C1QBP: variants seen among roughly 807,000 people sequenced by gnomAD.
C1QBP encodes the protein complement C1q binding protein.
A neutral mutation model predicts 29.4 loss-of-function variants in C1QBP; 24 were observed. The observed-to-expected ratio is 0.82, with a 90% CI of 0.59 to 1.15. The LOEUF is 1.15. Ranked by LOEUF, C1QBP falls within the 50% of genes most tolerant of loss-of-function variation. The probability of loss-of-function intolerance (pLI) is 0.00; values close to 1 mark genes in which losing one functional copy is unlikely to be tolerated. For synonymous variants in C1QBP, 182 were observed against 149.2 expected, an observed-to-expected ratio of 1.22 and a Z score of -1.60; for missense variants, 337 against 355.8, an observed-to-expected ratio of 0.95 and a Z score of 0.43.
At chr17:5,437,012 G>C (rs529394402) in intron 2 of C1QBP, among the ~76,000 whole-genome samples, 6 of 152,088 alleles carry the variant, frequency 3.9e-5, no homozygotes, top group South Asian at 4.2e-4. Context: ...GTGGGGTTGG[G>C]GGGGGAAGCT....
rs148670917 is a variant in C1QBP at position 5,433,404 on chromosome 17, T to G, written c.588A>C (p.Glu196Asp). The stretch of plus-strand genomic sequence containing the variant: ...AGAAGATGTCACTCTCAGCCTCGTC[T>G]TCTTGTCCAACCTGAGAAGAAACAA... ...CHYPEDEVGQ[E>D]DEAESDIFSI... Residue 196 changes from glutamate to aspartate, a missense_variant, in exon 5 of 6, where the codon GAA (glutamate) becomes GAC (aspartate). Glu to Asp is a conservative substitution (Grantham distance 45, BLOSUM62 2). Coordinates refer to ENST00000225698, the MANE Select transcript of C1QBP (RefSeq NM_001212.4). 1.3e-4 allele frequency: 203 copies of G among 1,614,044 alleles called. No homozygotes were observed. Among genetic ancestry groups the G allele is most frequent in the Non-Finnish European group, 1.6e-4 (183 of 1,180,034 alleles).
At position 5,433,748 on chromosome 17, in the gene C1QBP, G is replaced by A. The variant is rs1307330184; in HGVS notation, c.497C>T (p.Pro166Leu). Residue 166 changes from proline to leucine, a missense_variant, in exon 4 of 6, where the codon CCC (proline) becomes CTC (leucine). Transcript: ENST00000225698. ...EEQEPELTST[P>L]NFVVEVIKND... is the part of the protein sequence containing the mutation. ...CTTTATAACTTCAACCACGAAATTG[G>A]GAGTTGATGTCAGTTCAGGCTGGGG... The A allele has an allele frequency of 6.2e-7, 1 of 1,614,188 alleles. No individual in the cohort carries two copies. Among genetic ancestry groups the A allele is most frequent in the East Asian group, 2.2e-5 (1 of 44,890 alleles).
intron 1 of C1QBP, 90 bp downstream of exon 1, chr17:5,438,752 A>C: frequency 6.5e-7 from 1 of 1,542,248 alleles, no homozygotes; most frequent in Non-Finnish European, 8.7e-7. Flanking sequence ...AAAATGTCCC[A>C]GACCTCAGAG....
chr17:5,433,546 C>T (rs1916169551), intron 4 of C1QBP, 123 bp downstream of exon 4: 3 of 1,511,696 alleles, frequency 2.0e-6, no homozygotes, highest in African/African-American at 2.8e-5. Context: ...CACCTCTCTC[C>T]CCCTGCTGGG....
In C1QBP at chr17:5,434,930, T is replaced by C; in HGVS notation, c.420A>G (p.Pro140=). The C allele has an allele frequency of 6.2e-7, 1 of 1,614,068 alleles. No homozygotes were observed. The highest frequency in any genetic ancestry group is 8.5e-7 in the Non-Finnish European group (1 of 1,179,958). ...TVTFNINNSI[P]PTFDGEEEPS... ...GTTCCTCCTCACCATCAAATGTTGG[T>C]GGGATGCTGTTGTTAATGTTGAAAG... is the stretch of plus-strand genomic sequence containing the variant. Residue 140 remains proline, a synonymous_variant, in exon 3 of 6, where the codon CCA becomes CCG. Transcript: ENST00000225698.
chr17:5,433,373 T>G lies in C1QBP; in HGVS notation c.619A>C (p.Arg207=), dbSNP rs1257402361. 1.2e-6 allele frequency: 2 copies of G among 1,614,048 alleles called. No individual in the cohort carries two copies. The highest frequency in any genetic ancestry group is 2.7e-5 in the African/African-American group (2 of 74,916). ...CCAGTGGACTGAAAGCTAACTTCCC[T>G]GATAGAGAAGATGTCACTCTCAGCC... ...DEAESDIFSI[R]EVSFQSTGES... The change falls in exon 5 of 6, where the codon AGG becomes CGG. Residue 207 remains arginine (R), a synonymous_variant. Coordinates refer to ENST00000225698, the MANE Select transcript of C1QBP (RefSeq NM_001212.4).
rs766792629 is a variant in C1QBP, at chr17:5,438,852, C to T, written c.222G>A (p.Leu74=). Residue 74 remains leucine, a synonymous_variant, in exon 1 of 6, where the codon CTG becomes CTA. Coordinates refer to ENST00000225698, the MANE Select transcript of C1QBP (RefSeq NM_001212.4). Reference sequence around the variant, plus strand: ...CCCGCTAAACCTCACCGTCGGTGTGCAGCGAGCCGCAGCCACAGCCACAGG... The same window carrying T: ...CCCGCTAAACCTCACCGTCGGTGTGTAGCGAGCCGCAGCCACAGCCACAGG... ...PCACGCGCGS[L]HTDGDKAFVD... 6.5e-7 allele frequency: 1 copy of T among 1,546,124 alleles called. No individual in the cohort carries two copies. Among genetic ancestry groups the T allele is most frequent in the South Asian group, 1.2e-5 (1 of 83,940 alleles).
intron 2 of C1QBP, among the ~76,000 whole-genome samples, chr17:5,437,784 TGTTACATAGAA>T (rs1916315104): frequency 6.6e-6 from 1 of 152,244 alleles, no homozygotes; most frequent in African/African-American, 2.4e-5. Flanking sequence ...AACCCCATCC[TGTTACATAGAA>T]GTTACATATT....
Position 5,438,986 on chromosome 17 carries a change from G to A in C1QBP, c.88C>T (p.Gln30Ter). ...AGCCGGGGTGCCGGCTGCAGGAGCT[G>A]CCGGAAAGGCGAGGCGGGCGCGGCA... ...RAAAPASPFR[Q>*]LLQPAPRLCT... Residue 30 changes from glutamine to a stop codon, truncating the protein, a stop_gained, in exon 1 of 6, where the codon CAG (glutamine) becomes TAG (stop). Coordinates refer to ENST00000225698, the MANE Select transcript of C1QBP (RefSeq NM_001212.4). LOFTEE classifies it high-confidence loss of function. 2 of 1,503,158 alleles carry A rather than the reference G, an allele frequency of 1.3e-6. No individual in the cohort carries two copies. The highest frequency in any genetic ancestry group is 1.3e-5 in the South Asian group (1 of 79,616). The allele number at this position is 1,503,158 out of a possible 1,614,324, so 93.1% of individuals were successfully genotyped here. A position where few individuals can be genotyped will look rare whatever the true frequency, so the allele number is the denominator to read the frequency against.
At chr17:5,438,024 T>A in intron 2 of C1QBP, 99 bp downstream of exon 2, 1 of 1,422,240 alleles carries the variant, frequency 7.0e-7, no homozygotes, top group Non-Finnish European at 9.4e-7. Context: ...TTTATCAAAG[T>A]ATCCACACCT....
intron 2 of C1QBP, among the ~76,000 whole-genome samples, chr17:5,437,787 T>C (rs1916315231): frequency 6.6e-6 from 1 of 152,236 alleles, no homozygotes; most frequent in Non-Finnish European, 1.5e-5. Context: ...CCCATCCTGT[T>C]ACATAGAAGT....
At chr17:5,436,295 A>G (rs1199497591) in intron 2 of C1QBP, among the ~76,000 whole-genome samples, 2 of 151,334 alleles carry the variant, frequency 1.3e-5, no homozygotes, top group East Asian at 1.9e-4. Flanking sequence ...AGGTGAGATT[A>G]CAGAAGACAC....
At chr17:5,438,622 A>G in intron 1 of C1QBP, 2 of 960,020 alleles carry the variant, frequency 2.1e-6, no homozygotes, top group South Asian at 1.7e-5. Context: ...CTAAGGAAAA[A>G]GGTACCCTAG....
chr17:5,435,918 C>T (rs530892438), intron 2 of C1QBP, among the ~76,000 whole-genome samples: 12 of 148,822 alleles, frequency 8.1e-5, no homozygotes, highest in South Asian at 2.1e-4. Flanking sequence ...TGGTGGTACG[C>T]GCCTGTAATC....
intron 3 of C1QBP, 195 bp downstream of exon 3, chr17:5,434,678 G>C (rs1434854698): frequency 4.8e-6 from 2 of 413,536 alleles, no homozygotes; most frequent in East Asian, 8.4e-5. Flanking sequence ...ATGTTGGCCA[G>C]GATGGTCTCG....
intron 3 of C1QBP, 67 bp from the exon 4 acceptor site, chr17:5,433,834 T>G: frequency 3.7e-6 from 5 of 1,353,096 alleles, no homozygotes; most frequent in Non-Finnish European, 5.3e-6. Flanking sequence ...CAAGGATCTC[T>G]GTTCAGAGTG....
chr17:5,433,761 G>A lies in C1QBP; in HGVS notation c.484C>T (p.Leu162=), dbSNP rs1241503211. The change falls in exon 4 of 6, where the codon CTG becomes TTG. Residue 162 remains leucine, a synonymous_variant. Transcript: ENST00000225698. ...GQKVEEQEPE[L]TSTPNFVVEV... ...ACCACGAAATTGGGAGTTGATGTCAGTTCAGGCTGGGGAAACAAGAAGTCA... is the reference window on the plus strand; with the variant it reads ...ACCACGAAATTGGGAGTTGATGTCAATTCAGGCTGGGGAAACAAGAAGTCA... The A allele has an allele frequency of 8.7e-6, 14 of 1,613,984 alleles. No individual in the cohort carries two copies. Among genetic ancestry groups the A allele is most frequent in the Non-Finnish European group, 1.2e-5 (14 of 1,179,924 alleles).
intron 3 of C1QBP, chr17:5,434,629 A>G (rs1048850162): frequency 7.0e-5 from 20 of 287,278 alleles, no homozygotes; most frequent in Admixed American, 1.7e-4. Flanking sequence ...CACCATGCCC[A>G]GCTAATTTTT....
chr17:5,433,473 G>T (rs950427961), intron 4 of C1QBP, 58 bp from the exon 5 acceptor site: 1 of 1,606,050 alleles, frequency 6.2e-7, no homozygotes, highest in Non-Finnish European at 8.5e-7. Context: ...TAGACTCAGG[G>T]GAAGAAAGGG....
Sources: gnomAD v4.1 joint callset for allele counts (sites outside exome capture counted in the v4.1 genomes callset) on GRCh38, gnomAD v4.1.1 for gene constraint, MANE v1.5 for transcripts, NCBI Gene and HGNC (gene_info 2026-07-23, HGNC 2026-07-21) for gene names.